The following RUNX1T1 variants were observed in gnomAD, a reference collection of about 807,000 sequenced individuals.
RUNX1T1 encodes RUNX1 partner transcriptional co-repressor 1, also known as protein CBFA2T1.
RUNX1T1 carries 4 observed loss-of-function variants against 62.8 expected under a neutral mutation model. That is an observed-to-expected ratio of 0.06 (90% confidence interval 0.03 to 0.15). The LOEUF (loss-of-function observed/expected upper bound fraction) is 0.15. Among genes scored for constraint, RUNX1T1 ranks in the 10% least tolerant of loss-of-function variants. The probability of loss-of-function intolerance (pLI) is 1.00; values close to 1 mark genes in which losing one functional copy is unlikely to be tolerated. For synonymous variants in RUNX1T1, 291 were observed against 286.0 expected (o/e 1.02, Z -0.18); for missense variants, 508 against 754.3 (o/e 0.67, Z 3.82).
intron 5 of RUNX1T1, chr8:91,994,501 G>A (rs1765299185): frequency 4.5e-6 from 2 of 443,572 alleles, no homozygotes; most frequent in Non-Finnish European, 4.5e-6. Context: ...CTGGCATTGT[G>A]GTGTAGTGGA....
chr8:91,956,566 C>T (rs1394229249), downstream of RUNX1T1: 1 of 218,344 alleles, frequency 4.6e-6, no homozygotes, highest in African/African-American at 2.3e-5. Context: ...TTTAAAGATT[C>T]ACAGGTTGAC....
chr8:91,991,107 TA>T (rs1046350134), intron 6 of RUNX1T1, among the ~76,000 whole-genome samples: 1 of 151,822 alleles, frequency 6.6e-6, no homozygotes, highest in South Asian at 2.1e-4. Context: ...CATTTTCAAG[TA>T]AAAAAAAGTA....
chr8:91,977,423 T>A (rs930987028), intron 8 of RUNX1T1: 9 of 195,318 alleles, frequency 4.6e-5, no homozygotes, highest in Non-Finnish European at 8.5e-5. Flanking sequence ...AAAAACGTTT[T>A]TACTGAAGTA....
intron 2 of RUNX1T1, among the ~76,000 whole-genome samples, chr8:92,016,007 A>C (rs1027457691): frequency 6.6e-6 from 1 of 152,212 alleles, no homozygotes; most frequent in African/African-American, 2.4e-5. Context: ...ATGGCAGTGC[A>C]ACACTGCATA....
chr8:91,968,381 A>G (rs1164341435), intron 10 of RUNX1T1, among the ~76,000 whole-genome samples: 1 of 152,136 alleles, frequency 6.6e-6, no homozygotes, highest in Non-Finnish European at 1.5e-5. Context: ...GTTACAGTGC[A>G]CTCTCCGGTA....
chr8:92,049,133 C>T (rs1047121075), intron 1 of RUNX1T1, among the ~76,000 whole-genome samples: 1 of 152,136 alleles, frequency 6.6e-6, no homozygotes, highest in African/African-American at 2.4e-5. Flanking sequence ...TTGCGGCATC[C>T]TGCAGAAGAG....
intron 1 of RUNX1T1, chr8:92,062,486 A>G: frequency 6.4e-7 from 1 of 1,558,214 alleles, no homozygotes; most frequent in African/African-American, 1.4e-5. Context: ...TCCATGCATA[A>G]TAGAAAGTAA....
intron 5 of RUNX1T1, chr8:92,003,175 T>C (rs947953607): frequency 3.5e-6 from 1 of 283,144 alleles, no homozygotes; most frequent in Non-Finnish European, 7.2e-6. Flanking sequence ...TTTAGGAGAG[T>C]TCTACCTGAC....
At position 91,976,000 on chromosome 8, in the gene RUNX1T1, A is replaced by T. The variant is rs1459646541; in HGVS notation, c.1199-27T>A. On this transcript the variant is annotated intron_variant, in intron 8 of 10. Transcript: ENST00000396218. ...TATGAAAAGGATGGGAAGGGGGTGG[A>T]GAGAGGAGGAGAGTACTGTAAGCAC... The T allele has an allele frequency of 2.0e-6, 3 of 1,490,086 alleles. No individual in the cohort carries two copies. In the East Asian group the frequency reaches 6.8e-5, roughly 34 times the overall value. The allele number at this position is 1,490,086 out of a possible 1,614,324, so 92.3% of individuals were successfully genotyped here.
At chr8:91,977,765 C>T (rs1480965725) in intron 8 of RUNX1T1, among the ~76,000 whole-genome samples, 2 of 151,952 alleles carry the variant, frequency 1.3e-5, no homozygotes, top group African/African-American at 4.8e-5. Flanking sequence ...TAAGAAGAGA[C>T]CTGTAGTTAA....
At chr8:92,044,972 T>A (rs950629767) in intron 1 of RUNX1T1, among the ~76,000 whole-genome samples, 3 of 151,870 alleles carry the variant, frequency 2.0e-5, no homozygotes, top group Admixed American at 1.3e-4. Context: ...GGCCTAAGCC[T>A]GTAATCCTAG....
At chr8:92,056,189 C>CT (rs1442882346) in intron 1 of RUNX1T1, among the ~76,000 whole-genome samples, 2 of 152,174 alleles carry the variant, frequency 1.3e-5, no homozygotes, top group African/African-American at 4.8e-5. Context: ...AATAACGAGA[C>CT]TCTCAAAAGC....
intron 2 of RUNX1T1, among the ~76,000 whole-genome samples, chr8:92,015,139 C>T (rs898812952): frequency 3.3e-5 from 5 of 152,188 alleles, no homozygotes; most frequent in African/African-American, 1.2e-4. Context: ...ATAGAACAGA[C>T]AGCTTCGGAT....
intron 1 of RUNX1T1, among the ~76,000 whole-genome samples, chr8:92,054,125 G>GAA (rs201817398): frequency 2.6e-4 from 33 of 126,240 alleles, no homozygotes; most frequent in Non-Finnish European, 1.4e-4. Flanking sequence ...TTAGTACCTG[G>GAA]AAAAAAAAAA....
intron 2 of RUNX1T1, among the ~76,000 whole-genome samples, chr8:92,071,616 G>A (rs917743667): frequency 2.6e-5 from 4 of 151,986 alleles, no homozygotes; most frequent in African/African-American, 4.8e-5. Context: ...AATGCCTCCC[G>A]AAAGAAAGGA....
intron 5 of RUNX1T1, among the ~76,000 whole-genome samples, chr8:92,000,054 C>T (rs1819464889): frequency 6.6e-6 from 1 of 151,994 alleles, no homozygotes; most frequent in Non-Finnish European, 1.5e-5. Flanking sequence ...GCCTGTAATC[C>T]CAGCACTTTG....
intron 10 of RUNX1T1, among the ~76,000 whole-genome samples, chr8:91,968,303 T>C (rs1474242343): frequency 1.3e-5 from 2 of 152,176 alleles, no homozygotes; most frequent in African/African-American, 4.8e-5. Flanking sequence ...GTAATAATTA[T>C]ATTGGGACAC....
upstream of RUNX1T1, among the ~76,000 whole-genome samples, chr8:92,066,213 TG>T (rs780954426): frequency 7.2e-5 from 11 of 152,214 alleles, no homozygotes; most frequent in Non-Finnish European, 1.2e-4. Flanking sequence ...CATTGATGAA[TG>T]GTCATTAAGA....
intron 8 of RUNX1T1, among the ~76,000 whole-genome samples, chr8:91,983,094 A>AT (rs955471383): frequency 0.023 from 3,289 of 142,228 alleles, 121 homozygotes; most frequent in African/African-American, 0.077. Context: ...TGCCTGGCTA[A>AT]TTTTTTTTTT....
Sources: allele counts gnomAD v4.1 joint callset (sites outside exome capture counted in the v4.1 genomes callset), GRCh38; gene constraint gnomAD v4.1.1; transcripts MANE v1.5; gene names NCBI Gene and HGNC (gene_info 2026-07-23, HGNC 2026-07-21).